The following ALDH5A1 variants were observed in gnomAD, a reference collection of about 807,000 sequenced individuals.
ALDH5A1 encodes aldehyde dehydrogenase 5 family member A1.
A neutral mutation model predicts 54.7 loss-of-function variants in ALDH5A1; 33 were observed. The ratio of observed to expected loss-of-function variants is 0.60; its 90% CI spans 0.46 to 0.81. The LOEUF (loss-of-function observed/expected upper bound fraction) is 0.81. Ranked by LOEUF, ALDH5A1 falls within the 30% of genes least tolerant of loss-of-function variation. The pLI is 0.00. For missense variants in ALDH5A1, 657 were observed against 711.0 expected (o/e 0.92, Z 0.86); for synonymous variants, 294 against 292.7 (o/e 1.00, Z -0.05).
Position 24,509,318 on chromosome 6 carries a change from T to C in ALDH5A1, c.726+4333T>C, listed in dbSNP as rs916388467. Among the ~76,000 whole-genome samples the C allele has an allele frequency of 1.1e-4, 16 of 152,210 alleles. No homozygotes were observed. Among genetic ancestry groups the C allele is most frequent in the African/African-American group, 3.9e-4 (16 of 41,446 alleles). The stretch of plus-strand genomic sequence containing the variant: ...TAAGGTGAGCGATGAGGATCCAGTT[T>C]TATTTTCCCACATGTGGCTTGCCAA... On this transcript the variant is annotated intron_variant, in intron 4 of 9. Transcript: ENST00000357578. The surrounding 1 kb of genome is among the most constrained non-coding windows in gnomAD (Gnocchi z 4.7).
chr6:24,527,848 C>T (rs535053929), intron 7 of ALDH5A1, 149 bp from the exon 8 acceptor site: 58 of 795,280 alleles, frequency 7.3e-5, no homozygotes, highest in South Asian at 7.3e-4. Context: ...AAATGTGGTT[C>T]CTTCTACAAA....
At position 24,520,419 on chromosome 6, in the gene ALDH5A1, G is replaced by A; in HGVS notation, c.889G>A (p.Ala297Thr). Reference sequence around the variant, plus strand: ...CTCACAGATCCTGTTGCACCACGCAGCAAACTCTGTGAAAAGGGTCTCTAT... The same window carrying A: ...CTCACAGATCCTGTTGCACCACGCAACAAACTCTGTGAAAAGGGTCTCTAT... ...TTGKILLHHA[A>T]NSVKRVSMEL... Residue 297 changes from alanine to threonine, a missense_variant, in exon 6 of 10, where the codon GCA becomes ACA. Around this residue, in one of 2 missense-constraint regions of ALDH5A1, gnomAD observed 425 missense variants for 516.4 expected, o/e 0.82. Coordinates refer to ENST00000357578, the MANE Select transcript of ALDH5A1 (RefSeq NM_001080.3). The A allele has an allele frequency of 6.2e-7, 1 of 1,614,086 alleles. No individual in the cohort carries two copies. Among genetic ancestry groups the A allele is most frequent in the South Asian group, 1.1e-5 (1 of 91,082 alleles).
chr6:24,504,284 T>C (rs144383763), intron 3 of ALDH5A1, among the ~76,000 whole-genome samples: 298 of 152,350 alleles, frequency 2.0e-3, no homozygotes, highest in African/African-American at 6.9e-3. Flanking sequence ...ACAGAGTAAG[T>C]ACTATATAAT....
chr6:24,506,273 T>TTTTA (rs1390825941), intron 4 of ALDH5A1, among the ~76,000 whole-genome samples: 1 of 105,014 alleles, frequency 9.5e-6, no homozygotes, highest in African/African-American at 4.2e-5. Context: ...TTTTTTTTTT[T>TTTTA]GAGACAGTCT....
At chr6:24,502,328 C>T (rs1188628352) in intron 1 of ALDH5A1, among the ~76,000 whole-genome samples, 195 bp from the exon 2 acceptor site, 1 of 152,156 alleles carries the variant, frequency 6.6e-6, no homozygotes. Flanking sequence ...CTTCCGAAAA[C>T]ACTCACGGAC....
At chr6:24,521,182 A>C (rs1023786922) in intron 6 of ALDH5A1, among the ~76,000 whole-genome samples, 1 of 152,220 alleles carries the variant, frequency 6.6e-6, no homozygotes, top group Non-Finnish European at 1.5e-5. Flanking sequence ...GTTTTAGAGG[A>C]GCATCCAGGC....
In ALDH5A1 at chr6:24,533,677, C is replaced by G. The variant is rs945468085; in HGVS notation, c.1573C>G (p.Leu525Val). ...EGSKYGIDEY[L>V]ELKYVCYGGL is the part of the protein sequence containing the mutation. ...GTCCAAGTATGGCATTGATGAGTAT[C>G]TGGAACTCAAGTATGTGTGTTACGG... The change falls in exon 10 of 10, where the codon CTG (leucine) becomes GTG (valine). Residue 525 changes from leucine (L) to valine (V), a missense_variant. Leu to Val is a conservative substitution (Grantham distance 32, BLOSUM62 1). Transcript: ENST00000357578. 1 of 1,614,040 alleles carries G rather than the reference C, an allele frequency of 6.2e-7. No homozygotes were observed. Among genetic ancestry groups the G allele is most frequent in the Non-Finnish European group, 8.5e-7 (1 of 1,180,020 alleles).
In ALDH5A1 at chr6:24,520,605, G is replaced by T. The variant is rs1581818647; in HGVS notation, c.1014+61G>T. 4 of 1,383,698 alleles carry T rather than the reference G, an allele frequency of 2.9e-6. No individual in the cohort carries two copies. In the East Asian group the frequency reaches 9.7e-5, roughly 33 times the overall value. The allele number at this position is 1,383,698 out of a possible 1,614,324, so 85.7% of individuals were successfully genotyped here. On this transcript the variant is annotated intron_variant, in intron 6 of 9. Transcript: ENST00000357578. ...CGTGTGCATGTGTGAGTGTGTGTAT[G>T]TGTGTGTGTGTGATATGTGTGCATG...
rs9467207 is a variant in ALDH5A1 at position 24,509,528 on chromosome 6, G to A, written c.726+4543G>A. Reference sequence around the variant, plus strand: ...CATTTCAGTCTGTTCGGGATATCTCGTTCTTCCTGATTTAAGCTAGGAGGG... The same window carrying A: ...CATTTCAGTCTGTTCGGGATATCTCATTCTTCCTGATTTAAGCTAGGAGGG... On this transcript the variant is annotated intron_variant, in intron 4 of 9. Transcript: ENST00000357578. This position sits in a 1 kb window ranked among gnomAD's most constrained non-coding sequence, Gnocchi z 4.7. Among the ~76,000 whole-genome samples the A allele has an allele frequency of 3.3e-5, 5 of 151,942 alleles. No homozygotes were observed. Among genetic ancestry groups the A allele is most frequent in the East Asian group, 3.9e-4 (2 of 5,192 alleles).
rs1301540516 is a variant in ALDH5A1 at position 24,509,938 on chromosome 6, T to TA, written c.726+4954dup. On this transcript the variant is annotated intron_variant, in intron 4 of 9. Coordinates refer to ENST00000357578, the MANE Select transcript of ALDH5A1 (RefSeq NM_001080.3). The surrounding 1 kb of genome is among the most constrained non-coding windows in gnomAD (Gnocchi z 4.7). ...TTTCAGACTTTTTGATGTAAGCATTTAGGGCCATGAACTTGGCTCTTGGCA... is the reference window on the plus strand; with the variant it reads ...TTTCAGACTTTTTGATGTAAGCATTTAAGGGCCATGAACTTGGCTCTTGGCA... Among the ~76,000 whole-genome samples the TA allele has an allele frequency of 6.6e-6, 1 of 152,160 alleles. No individual in the cohort carries two copies. The highest frequency in any genetic ancestry group is 2.1e-4 in the South Asian group (1 of 4,824).
chr6:24,520,010 T>C (rs1759648346), intron 5 of ALDH5A1, among the ~76,000 whole-genome samples: 1 of 152,116 alleles, frequency 6.6e-6, no homozygotes, highest in Non-Finnish European at 1.5e-5. Flanking sequence ...ACTCACTCCC[T>C]CTTTCTATAA....
intron 1 of ALDH5A1, among the ~76,000 whole-genome samples, chr6:24,499,831 T>C (rs1163176410): frequency 6.6e-6 from 1 of 152,120 alleles, no homozygotes; most frequent in Non-Finnish European, 1.5e-5. Context: ...GGTAATTTTT[T>C]TGTATTTTTA....
At chr6:24,517,130 T>G (rs1200019367) in intron 5 of ALDH5A1, among the ~76,000 whole-genome samples, 1 of 152,066 alleles carries the variant, frequency 6.6e-6, no homozygotes, top group Non-Finnish European at 1.5e-5. Context: ...CTCAGATTCT[T>G]GAGTAGCTAG....
At chr6:24,497,978 A>G (rs1764746488) in intron 1 of ALDH5A1, among the ~76,000 whole-genome samples, 1 of 151,936 alleles carries the variant, frequency 6.6e-6, no homozygotes, top group Non-Finnish European at 1.5e-5. Flanking sequence ...GGCTTGAACC[A>G]GGGTGGTAGC....
At position 24,519,723 on chromosome 6, in the gene ALDH5A1, G is replaced by T. The variant is rs889436605; in HGVS notation, c.871-678G>T. ...TCATTGGGAAGATAAAGCAGGTTAC[G>T]AAACGGTATAATTATATAATTATAC... On this transcript the variant is annotated intron_variant, in intron 5 of 9. Coordinates refer to ENST00000357578, the MANE Select transcript of ALDH5A1 (RefSeq NM_001080.3). 3.3e-5 allele frequency among the ~76,000 whole-genome samples: 5 copies of T among 149,628 alleles called. No homozygotes were observed. The South Asian group carries it at 6.3e-4, about 19-fold the overall frequency.
chr6:24,515,288 C>G lies in ALDH5A1; in HGVS notation c.848C>G (p.Thr283Ser), dbSNP rs1759548002. 1.9e-6 allele frequency: 3 copies of G among 1,613,818 alleles called. No individual in the cohort carries two copies. In the Admixed American group the frequency reaches 5.0e-5, roughly 27 times the overall value. The part of the protein sequence containing the change: ...TDPLVSKISF[T>S]GSTTTGKILL... ...CCTCTGGTGTCCAAAATTTCCTTTACTGGTTCAACAACTACAGGAAAGGTA... is the reference window on the plus strand; with the variant it reads ...CCTCTGGTGTCCAAAATTTCCTTTAGTGGTTCAACAACTACAGGAAAGGTA... The change falls in exon 5 of 10, where the codon ACT becomes AGT. Residue 283 changes from threonine (T) to serine (S), a missense_variant. Thr to Ser is a moderately conservative substitution (Grantham distance 58, BLOSUM62 1). This residue lies in a region of ALDH5A1 where 425 missense variants were observed against 516.4 expected (regional missense o/e 0.82). Coordinates refer to ENST00000357578, the MANE Select transcript of ALDH5A1 (RefSeq NM_001080.3).
rs571433533 is a variant in ALDH5A1, at chr6:24,509,567, G to A, written c.726+4582G>A. ...AAGCTAGGAGGGCTGTATATTTCCA[G>A]GAATTTATCCATCTCCTCTCGGTTT... On this transcript the variant is annotated intron_variant, in intron 4 of 9. Coordinates refer to ENST00000357578, the MANE Select transcript of ALDH5A1 (RefSeq NM_001080.3). The surrounding 1 kb of genome is among the most constrained non-coding windows in gnomAD (Gnocchi z 4.7). Among the ~76,000 whole-genome samples the A allele has an allele frequency of 1.3e-5, 2 of 152,196 alleles. No homozygotes were observed. Among genetic ancestry groups the A allele is most frequent in the African/African-American group, 4.8e-5 (2 of 41,536 alleles).
intron 4 of ALDH5A1, among the ~76,000 whole-genome samples, chr6:24,506,860 T>C (rs1759369247): frequency 6.6e-6 from 1 of 152,212 alleles, no homozygotes; most frequent in Non-Finnish European, 1.5e-5. Flanking sequence ...TTTGTTACAA[T>C]TAATGAATCA....
intron 4 of ALDH5A1, among the ~76,000 whole-genome samples, chr6:24,507,393 T>G (rs1197581304): frequency 6.6e-6 from 1 of 152,170 alleles, no homozygotes; most frequent in Non-Finnish European, 1.5e-5. Flanking sequence ...TCTTGAAAAT[T>G]CAGATGGTAA....
Sources: gnomAD v4.1 joint callset for allele counts (sites outside exome capture counted in the v4.1 genomes callset) on GRCh38, gnomAD v4.1.1 for gene constraint, gnomAD v4.1.1 regional missense constraint, Gnocchi (gnomAD v3.1) non-coding constraint, MANE v1.5 for transcripts, NCBI Gene and HGNC (gene_info 2026-07-23, HGNC 2026-07-21) for gene names.